CSMD1: variants seen among roughly 807,000 people sequenced by gnomAD.
CSMD1 encodes the protein CUB and Sushi multiple domains 1.
Under a neutral mutation model 417.5 loss-of-function variants are expected in CSMD1, and 213 were observed. The observed-to-expected ratio is 0.51, with a 90% CI of 0.46 to 0.57. CSMD1 has a LOEUF of 0.57. Among genes scored for constraint, CSMD1 ranks in the 20% least tolerant of loss-of-function variants. CSMD1 has a pLI of 0.00. For synonymous variants in CSMD1, 2,862 were observed against 1,736.8 expected, an observed-to-expected ratio of 1.65 and a Z score of -16.11; for missense variants, 6,923 against 4,529.7, an observed-to-expected ratio of 1.53 and a Z score of -15.17.
chr8:4,981,071 T>C (rs924285459), intron 1 of CSMD1, among the ~76,000 whole-genome samples: 2 of 152,242 alleles, frequency 1.3e-5, no homozygotes, highest in African/African-American at 4.8e-5. Flanking sequence ...AACACCATGA[T>C]GCGTGCATCT....
intron 3 of CSMD1, among the ~76,000 whole-genome samples, chr8:4,305,446 G>A (rs922845850): frequency 1.4e-4 from 21 of 152,278 alleles, no homozygotes; most frequent in African/African-American, 3.9e-4. Context: ...AGTAAGGTAA[G>A]CCACTGAGCA....
chr8:4,329,034 A>C (rs1038099401), intron 3 of CSMD1, among the ~76,000 whole-genome samples: 4 of 152,176 alleles, frequency 2.6e-5, no homozygotes, highest in African/African-American at 9.6e-5. Context: ...CTTCCTTTGT[A>C]AGTCAAGCCC....
intron 3 of CSMD1, among the ~76,000 whole-genome samples, chr8:4,333,306 C>T (rs574700692): frequency 6.8e-4 from 103 of 152,224 alleles, no homozygotes; most frequent in African/African-American, 2.3e-3. Context: ...GTCTCAGATG[C>T]TGTTGAACAT....
At chr8:4,375,583 C>G (rs1802681377) in intron 3 of CSMD1, among the ~76,000 whole-genome samples, 2 of 152,074 alleles carry the variant, frequency 1.3e-5, no homozygotes, top group Admixed American at 6.6e-5. Context: ...ACTGAAGACT[C>G]CTACTGAGGA....
At chr8:4,855,515 A>G (rs1386772132) in intron 1 of CSMD1, among the ~76,000 whole-genome samples, 3 of 152,102 alleles carry the variant, frequency 2.0e-5, no homozygotes, top group African/African-American at 7.2e-5. Context: ...GAAAACTTTG[A>G]AAAAAATTTA....
intron 3 of CSMD1, among the ~76,000 whole-genome samples, chr8:4,197,241 T>C (rs1241022070): frequency 6.6e-6 from 1 of 152,184 alleles, no homozygotes; most frequent in Non-Finnish European, 1.5e-5. Context: ...TCACAGATAA[T>C]TTCGTATAAC....
At chr8:4,431,412 A>C (rs1797865993) in intron 2 of CSMD1, among the ~76,000 whole-genome samples, 1 of 152,260 alleles carries the variant, frequency 6.6e-6, no homozygotes, top group East Asian at 1.9e-4. Flanking sequence ...ACTTAGATTG[A>C]AGGAGGAACA....
intron 36 of CSMD1, 22 bp downstream of exon 36, chr8:3,187,847 G>A (rs745698522): frequency 3.2e-6 from 5 of 1,578,242 alleles, no homozygotes; most frequent in South Asian, 1.1e-5. Context: ...TCACACAGGT[G>A]AGGAAATTGA....
chr8:4,944,712 A>G (rs1285996372), intron 1 of CSMD1, among the ~76,000 whole-genome samples: 1 of 152,206 alleles, frequency 6.6e-6, no homozygotes, highest in African/African-American at 2.4e-5. Context: ...GCAGATGACT[A>G]CTGTCGAAAA....
At chr8:3,087,351 T>C (rs935372374) in intron 48 of CSMD1, 66 bp from the exon 49 acceptor site, 3 of 1,495,788 alleles carry the variant, frequency 2.0e-6, no homozygotes, top group Non-Finnish European at 9.3e-7. Context: ...GCCATTGCCT[T>C]TGTGAGAGTC....
chr8:4,990,102 C>T (rs1811382449), intron 1 of CSMD1, among the ~76,000 whole-genome samples: 1 of 152,158 alleles, frequency 6.6e-6, no homozygotes, highest in Non-Finnish European at 1.5e-5. Context: ...TTCTACCACC[C>T]TGCACTACTT....
chr8:3,226,292 G>A (rs781150718), intron 27 of CSMD1, among the ~76,000 whole-genome samples: 1 of 152,086 alleles, frequency 6.6e-6, no homozygotes, highest in Non-Finnish European at 1.5e-5. Context: ...CTCGGAATAA[G>A]GAAGTTGAAG....
chr8:3,993,767 A>G (rs1343157987), intron 5 of CSMD1, among the ~76,000 whole-genome samples: 1 of 152,188 alleles, frequency 6.6e-6, no homozygotes, highest in African/African-American at 2.4e-5. Context: ...ATTATGGCTG[A>G]TGTTTTCCAG....
chr8:4,777,716 C>T (rs1004519188), intron 1 of CSMD1, among the ~76,000 whole-genome samples: 1 of 152,132 alleles, frequency 6.6e-6, no homozygotes, highest in Admixed American at 6.6e-5. Context: ...TACTTCTGCA[C>T]CAACCTAATG....
Position 3,239,048 on chromosome 8 carries a change from A to G in CSMD1, c.4154-8817T>C, listed in dbSNP as rs1385051541. On this transcript the variant is annotated intron_variant, in intron 26 of 69. Transcript: ENST00000635120. ...GCCTAAGAAAAAGGAACATCTATAC[A>G]GGAGTTTAAATGGGCTATACCCTGT... Among the ~76,000 whole-genome samples the G allele has an allele frequency of 2.0e-5, 3 of 152,218 alleles. No individual in the cohort carries two copies. The East Asian group carries it at 5.8e-4, about 29-fold the overall frequency.
At chr8:4,409,546 A>G (rs145936995) in intron 3 of CSMD1, among the ~76,000 whole-genome samples, 2,046 of 152,294 alleles carry the variant, frequency 0.013, 16 homozygotes, top group Middle Eastern at 0.027. Context: ...CTCATTGTTA[A>G]TTCAGAACAT....
intron 64 of CSMD1, among the ~76,000 whole-genome samples, 163 bp from the exon 65 acceptor site, chr8:2,954,431 G>T (rs537056676): frequency 6.6e-6 from 1 of 152,114 alleles, no homozygotes; most frequent in Admixed American, 6.5e-5. Context: ...CTTTACAGCA[G>T]AATATTCTTG....
intron 2 of CSMD1, among the ~76,000 whole-genome samples, chr8:4,436,376 C>A (rs1368174191): frequency 2.0e-5 from 3 of 152,070 alleles, no homozygotes; most frequent in Non-Finnish European, 2.9e-5. Flanking sequence ...ATTTATACAT[C>A]AAACGTGCTT....
chr8:4,524,817 A>AT (rs915946690), intron 2 of CSMD1, among the ~76,000 whole-genome samples: 1 of 151,980 alleles, frequency 6.6e-6, no homozygotes, highest in African/African-American at 2.4e-5. Context: ...AAAATTGTGC[A>AT]TTTTTTTATT....
Sources: allele counts gnomAD v4.1 joint callset (sites outside exome capture counted in the v4.1 genomes callset), GRCh38; gene constraint gnomAD v4.1.1; transcripts MANE v1.5; gene names NCBI Gene and HGNC (gene_info 2026-07-23, HGNC 2026-07-21).